Variants in CA9 observed in about 807,000 individuals in gnomAD.
CA9 encodes the protein CA-IX.
Under a neutral mutation model 51.8 loss-of-function variants are expected in CA9, and 43 were observed. The observed-to-expected ratio is 0.83, with a 90% CI of 0.65 to 1.07. The LOEUF is 1.07. CA9 is among the 50% of genes least tolerant of loss of function. The pLI is 0.00. For missense variants in CA9, 574 were observed against 581.4 expected (o/e 0.99, Z 0.13); for synonymous variants, 253 against 244.2 (o/e 1.04, Z -0.34).
chr9:35,676,425 C>G (rs906221548), intron 5 of CA9, 36 bp downstream of exon 5: 13 of 1,522,724 alleles, frequency 8.5e-6, no homozygotes, highest in East Asian at 2.3e-5. Flanking sequence ...TCCCCGCTTT[C>G]CCATCCCATG....
chr9:35,677,361 G>A lies in CA9; in HGVS notation c.841-429G>A, dbSNP rs562867107. ...CAAACACAGAATCATGAAGGTGAAT[G>A]CAGAGGTGACACCAACACAAAGGTG... On this transcript the variant is annotated intron_variant, in intron 5 of 10. Transcript: ENST00000378357. Among the ~76,000 whole-genome samples, 4 of 152,356 alleles carry A rather than the reference G, an allele frequency of 2.6e-5. No individual in the cohort carries two copies. The East Asian group carries it at 5.8e-4, about 22-fold the overall frequency.
chr9:35,681,098 C>G lies in CA9; in HGVS notation c.*73C>G, dbSNP rs1347937652. ...GGGAGCCGGTAACTGTCCTGTCCTG[C>G]TCATTATGCCACTTCCTTTTAACTG... On this transcript the variant is annotated 3_prime_UTR_variant, in exon 11 of 11. Transcript: ENST00000378357. 1.7e-6 allele frequency: 2 copies of G among 1,144,658 alleles called. No individual in the cohort carries two copies. Among genetic ancestry groups the G allele is most frequent in the African/African-American group, 3.2e-5 (2 of 63,318 alleles). The allele number at this position is 1,144,658 out of a possible 1,614,324, so 70.9% of individuals were successfully genotyped here. A position where few individuals can be genotyped will look rare whatever the true frequency, so the allele number is the denominator to read the frequency against.
At position 35,680,145 on chromosome 9, in the gene CA9, T is replaced by A. The variant is rs1824509159; in HGVS notation, c.1237+6T>A. The stretch of plus-strand genomic sequence containing the variant: ...GAATTCCTGCCTGGCTGCTGGTGAG[T>A]CTGCCCCTCCTCTTGGTCCTGATGC... On this transcript the variant is annotated splice_donor_region_variant and intron_variant, in intron 9 of 10. Transcript: ENST00000378357. 1 of 1,613,972 alleles carries A rather than the reference T, an allele frequency of 6.2e-7. No homozygotes were observed. The highest frequency in any genetic ancestry group is 8.5e-7 in the Non-Finnish European group (1 of 1,180,022).
chr9:35,675,676 GT>G, intron 2 of CA9, 84 bp from the exon 3 acceptor site: 11 of 648,372 alleles, frequency 1.7e-5, no homozygotes, highest in Non-Finnish European at 2.4e-5. Flanking sequence ...GCCGCCCACC[GT>G]CCCACCCCCT....
Position 35,681,042 on chromosome 9 carries a change from A to G in CA9, c.*17A>G, listed in dbSNP as rs758141512. On this transcript the variant is annotated 3_prime_UTR_variant, in exon 11 of 11. Transcript: ENST00000378357. ...GGAGCCTAGAGGCTGGATCTTGGAG[A>G]ATGTGAGAAGCCAGCCAGAGGCATC... 1 of 1,612,056 alleles carries G rather than the reference A, an allele frequency of 6.2e-7. No individual in the cohort carries two copies. The highest frequency in any genetic ancestry group is 1.1e-5 in the South Asian group (1 of 90,818).
At chr9:35,675,360 C>A in intron 1 of CA9, 178 bp from the exon 2 acceptor site, 1 of 657,868 alleles carries the variant, frequency 1.5e-6, no homozygotes, top group Non-Finnish European at 2.7e-6. Context: ...TGCTGTTTGG[C>A]CCACCCAGCT....
Position 35,677,833 on chromosome 9 carries a change from G to A in CA9, c.884G>A (p.Arg295His), listed in dbSNP as rs758127220. The stretch of plus-strand genomic sequence containing the variant: ...AGTGCCTATGAGCAGTTGCTGTCTC[G>A]CTTGGAAGAAATCGCTGAGGAAGGT... ...ENSAYEQLLS[R>H]LEEIAEEGSE... Residue 295 changes from arginine (R) to histidine (H), a missense_variant, in exon 6 of 11, where the codon CGC (arginine) becomes CAC (histidine). Coordinates refer to ENST00000378357, the MANE Select transcript of CA9 (RefSeq NM_001216.3). 55 of 1,613,964 alleles carry A rather than the reference G, an allele frequency of 3.4e-5. No individual in the cohort carries two copies. The highest frequency in any genetic ancestry group is 1.6e-4 in the South Asian group (15 of 91,082).
intron 3 of CA9, 48 bp from the exon 4 acceptor site, chr9:35,676,016 G>A: frequency 6.2e-7 from 1 of 1,608,144 alleles, no homozygotes; most frequent in Non-Finnish European, 8.5e-7. Flanking sequence ...CCGGGGGTTG[G>A]GCTGGCCCTA....
chr9:35,673,965 T>A lies in CA9; in HGVS notation c.6T>A (p.Ala2=). ...GACACCCCACAGTCAGCCGCATGGC[T>A]CCCCTGTGCCCCAGCCCCTGGCTCC... The part of the protein sequence containing the change: M[A]PLCPSPWLPL... The change falls in exon 1 of 11, where the codon GCT becomes GCA. Residue 2 remains alanine (A), a synonymous_variant. Coordinates refer to ENST00000378357, the MANE Select transcript of CA9 (RefSeq NM_001216.3). The A allele has an allele frequency of 6.3e-7, 1 of 1,597,820 alleles. No individual in the cohort carries two copies. Among genetic ancestry groups the A allele is most frequent in the Non-Finnish European group, 8.5e-7 (1 of 1,171,446 alleles).
chr9:35,680,732 C>A (rs1204195517), intron 9 of CA9, 21 bp from the exon 10 acceptor site: 2 of 1,608,798 alleles, frequency 1.2e-6, no homozygotes, highest in Non-Finnish European at 8.5e-7. Flanking sequence ...CCAAAGCAGC[C>A]CTCTCTGCTC....
intron 5 of CA9, among the ~76,000 whole-genome samples, chr9:35,677,408 A>C (rs1026930056): frequency 1.7e-4 from 26 of 152,136 alleles, no homozygotes; most frequent in African/African-American, 6.0e-4. Flanking sequence ...TCCTGTGGGG[A>C]GTATGTACGG....
At chr9:35,677,034 TTTAG>T (rs2131837471) in intron 5 of CA9, among the ~76,000 whole-genome samples, 1 of 152,122 alleles carries the variant, frequency 6.6e-6, no homozygotes, top group South Asian at 2.1e-4. Flanking sequence ...TTTTTGTATT[TTTAG>T]TAGACAGGGT....
At position 35,676,187 on chromosome 9, in the gene CA9, G is replaced by A; in HGVS notation, c.728G>A (p.Gly243Asp). 1 of 1,611,962 alleles carries A rather than the reference G, an allele frequency of 6.2e-7. No individual in the cohort carries two copies. Among genetic ancestry groups the A allele is most frequent in the Non-Finnish European group, 8.5e-7 (1 of 1,178,978 alleles). The change falls in exon 4 of 11, where the codon GGC (glycine) becomes GAC (aspartate). Residue 243 changes from glycine to aspartate, a missense_variant. Transcript: ENST00000378357. ...GRPGSEHTVEGHRFPAEIHVV... is the reference protein window; with the variant it reads ...GRPGSEHTVEDHRFPAEIHVV... The stretch of plus-strand genomic sequence containing the variant: ...CCGGGCTCGGAGCACACTGTGGAAG[G>A]CCACCGTTTCCCTGCCGAGGTGAGC...
chr9:35,677,932 G>A, intron 6 of CA9, 76 bp downstream of exon 6: 1 of 1,225,346 alleles, frequency 8.2e-7, no homozygotes, highest in African/African-American at 1.5e-5. Flanking sequence ...TCAGGTCTGA[G>A]GCTGGAGATG....
chr9:35,676,454 G>A (rs1824425546), intron 5 of CA9, 65 bp downstream of exon 5: 6 of 1,342,250 alleles, frequency 4.5e-6, no homozygotes, highest in Non-Finnish European at 6.3e-6. Context: ...GGACTCTATC[G>A]TGGAGCCAGA....
intron 1 of CA9, 85 bp downstream of exon 1, chr9:35,674,447 G>A: frequency 1.5e-6 from 2 of 1,297,414 alleles, no homozygotes; most frequent in Non-Finnish European, 2.1e-6. Flanking sequence ...TGTTCACTCA[G>A]GGAAGGAGGG....
rs1352160681 is a variant in CA9, at chr9:35,675,792, C to T, written c.465C>T (p.Ala155=). ...CGCCCTGGCCCCGGGTGTCCCCAGC[C>T]TGCGCGGGCCGCTTCCAGTCCCCGG... ...GDPPWPRVSP[A]CAGRFQSPVD... Residue 155 remains alanine, a synonymous_variant, in exon 3 of 11, where the codon GCC becomes GCT. Transcript: ENST00000378357. 5.0e-6 allele frequency: 8 copies of T among 1,603,128 alleles called. No homozygotes were observed. Among genetic ancestry groups the T allele is most frequent in the South Asian group, 1.1e-5 (1 of 90,894 alleles).
At chr9:35,676,615 T>A (rs1232304796) in intron 5 of CA9, among the ~76,000 whole-genome samples, 1 of 152,020 alleles carries the variant, frequency 6.6e-6, no homozygotes, top group African/African-American at 2.4e-5. Flanking sequence ...CCACAGCCAG[T>A]GGGGGAGGCT....
intron 6 of CA9, 120 bp from the exon 7 acceptor site, chr9:35,679,065 G>A (rs1824479729): frequency 5.6e-6 from 6 of 1,068,284 alleles, no homozygotes; most frequent in East Asian, 2.4e-5. Context: ...TGCACTTAGC[G>A]AAGAAGTGGT....
Sources: gnomAD v4.1 joint callset for allele counts (sites outside exome capture counted in the v4.1 genomes callset) on GRCh38, gnomAD v4.1.1 for gene constraint, MANE v1.5 for transcripts, NCBI Gene and HGNC (gene_info 2026-07-23, HGNC 2026-07-21) for gene names.